Variants in PSMD13 observed in about 807,000 individuals in gnomAD.
PSMD13 encodes the protein 26S proteasome non-ATPase regulatory subunit 13.
In PSMD13, 8 loss-of-function variants were observed where a neutral mutation model predicts 57.4. That is an observed-to-expected ratio of 0.14 (90% CI 0.08 to 0.25). The LOEUF (loss-of-function observed/expected upper bound fraction) is 0.25. PSMD13 is among the 10% of genes least tolerant of loss of function. The pLI is 1.00. For missense variants in PSMD13, 400 were observed against 461.5 expected, an observed-to-expected ratio of 0.87 and a Z score of 1.22; for synonymous variants, 193 against 168.2, an observed-to-expected ratio of 1.15 and a Z score of -1.14.
In PSMD13 at chr11:250,582, A is replaced by G. The variant is rs138140186; in HGVS notation, c.775-221A>G. 3.6e-3 allele frequency among the ~76,000 whole-genome samples: 544 copies of G among 152,334 alleles called. 3 individuals are homozygous for G. Among genetic ancestry groups the G allele is most frequent in the African/African-American group, 0.012 (509 of 41,576 alleles). ...TACCTTGTAAATTCCTTGCCTTGAC[A>G]AAGTGTCCCAGTTAGGTGCGACTCT... On this transcript the variant is annotated intron_variant, in intron 9 of 12. Coordinates refer to ENST00000532097, the MANE Select transcript of PSMD13 (RefSeq NM_002817.4).
chr11:243,051 C>T (rs1859551195), intron 2 of PSMD13: 1 of 353,328 alleles, frequency 2.8e-6, no homozygotes, highest in Non-Finnish European at 5.7e-6. Flanking sequence ...ACCTCTGCCT[C>T]CCAAAGTGCT....
chr11:248,870 A>C lies in PSMD13; in HGVS notation c.648+15A>C, dbSNP rs908027818. The C allele has an allele frequency of 1.2e-6, 2 of 1,614,130 alleles. No individual in the cohort carries two copies. The highest frequency in any genetic ancestry group is 3.3e-5 in the Admixed American group (2 of 60,022). ...TTGGAGAACTCGTAAGTTGACCCTG[A>C]GCTCAGCTTCCTTAACGAGAGAGAC... On this transcript the variant is annotated intron_variant, in intron 8 of 12. Transcript: ENST00000532097.
At chr11:250,675 G>T in intron 9 of PSMD13, 128 bp from the exon 10 acceptor site, 3 of 750,290 alleles carry the variant, frequency 4.0e-6, no homozygotes, top group Non-Finnish European at 6.9e-6. Context: ...TCTGCAATGT[G>T]AAATGTTTGG....
rs111762657 is a variant in PSMD13, at chr11:251,737, G to A, written c.919-83G>A. On this transcript the variant is annotated intron_variant, in intron 11 of 12. Transcript: ENST00000532097. This position sits in a 1 kb window ranked among gnomAD's most constrained non-coding sequence, Gnocchi z 4.6. ...GACAGTAAAAAATGACGGGAGGAGC[G>A]GCATCTGCTTCTCACAAGCCATCTG... is the stretch of plus-strand genomic sequence containing the variant. 1.5e-3 allele frequency: 2,310 copies of A among 1,527,054 alleles called. 25 individuals carry two copies. The African/African-American group carries it at 0.027, about 18-fold the overall frequency. 94.6% of individuals were successfully genotyped at this position (1,527,054 alleles called of 1,614,324 possible). A position where few individuals can be genotyped will look rare whatever the true frequency, so the allele number is the denominator to read the frequency against.
Position 244,680 on chromosome 11 carries a change from A to G in PSMD13, c.315A>G (p.Lys105=). The change falls in exon 6 of 13, where the codon AAA becomes AAG. Residue 105 remains lysine, a synonymous_variant. Coordinates refer to ENST00000532097, the MANE Select transcript of PSMD13 (RefSeq NM_002817.4). ...TTTTGTTTTTGATGTCTTAGGTGAAAAGTAGTGATGAGGCAGTGATCCTGT... is the reference window on the plus strand; with the variant it reads ...TTTTGTTTTTGATGTCTTAGGTGAAGAGTAGTGATGAGGCAGTGATCCTGT... ...TFLEKTREKV[K]SSDEAVILCK... is the part of the protein sequence containing the mutation. 1.9e-6 allele frequency: 3 copies of G among 1,611,764 alleles called. No individual in the cohort carries two copies. Among genetic ancestry groups the G allele is most frequent in the Non-Finnish European group, 2.5e-6 (3 of 1,179,352 alleles).
Position 250,867 on chromosome 11 carries a change from T to A in PSMD13, c.837+2T>A. 1 of 1,613,600 alleles carries A rather than the reference T, an allele frequency of 6.2e-7. No homozygotes were observed. The highest frequency in any genetic ancestry group is 8.5e-7 in the Non-Finnish European group (1 of 1,179,874). On this transcript the variant is annotated splice_donor_variant, in intron 10 of 12. Transcript: ENST00000532097. LOFTEE classifies it high-confidence loss of function. Reference sequence around the variant, plus strand: ...ATTCAGTTGTTGTGCCTCATGGAGGTAAGCGAACACCCAGGAGCCACTTTG... The same window carrying A: ...ATTCAGTTGTTGTGCCTCATGGAGGAAAGCGAACACCCAGGAGCCACTTTG...
intron 9 of PSMD13, 84 bp downstream of exon 9, chr11:249,141 G>T: frequency 6.4e-7 from 1 of 1,567,562 alleles, no homozygotes; most frequent in Non-Finnish European, 8.7e-7. Context: ...GTCTTCCCTA[G>T]GCACACAGGA....
rs559498495 is a variant in PSMD13 at position 251,958 on chromosome 11, A to G, written c.1035+22A>G. 6.3e-7 allele frequency: 1 copy of G among 1,598,258 alleles called. No homozygotes were observed. The highest frequency in any genetic ancestry group is 1.3e-5 in the African/African-American group (1 of 74,654). ...ACAGGTGATGTGTTTGAAACCCATT[A>G]TTCACCTCTGTGGATTTTGAGGGGT... On this transcript the variant is annotated intron_variant, in intron 12 of 12. Coordinates refer to ENST00000532097, the MANE Select transcript of PSMD13 (RefSeq NM_002817.4). The surrounding 1 kb of genome is among the most constrained non-coding windows in gnomAD (Gnocchi z 4.6).
chr11:250,291 A>G (rs1859744942), intron 9 of PSMD13, among the ~76,000 whole-genome samples: 1 of 152,230 alleles, frequency 6.6e-6, no homozygotes, highest in South Asian at 2.1e-4. Flanking sequence ...AGAAGCGTAT[A>G]TTCTAGTTCT....
Position 237,058 on chromosome 11 carries a change from C to A in PSMD13, c.9C>A (p.Asp3Glu), listed in dbSNP as rs532287958. The part of the protein sequence containing the change: MK[D>E]VPGFLQQSQN... ...GGGGTCTTCCTGCTGTCATGAAGGA[C>A]GTACCGGGCTTCCTACAGCAGAGCC... Residue 3 changes from aspartate (D) to glutamate (E), a missense_variant, in exon 1 of 13, where the codon GAC becomes GAA. By Grantham distance (45) the Asp-to-Glu change is conservative (BLOSUM62 2). Coordinates refer to ENST00000532097, the MANE Select transcript of PSMD13 (RefSeq NM_002817.4). 1 of 1,613,534 alleles carries A rather than the reference C, an allele frequency of 6.2e-7. No homozygotes were observed. Among genetic ancestry groups the A allele is most frequent in the African/African-American group, 1.3e-5 (1 of 75,050 alleles).
chr11:238,531 C>T (rs928049637), intron 1 of PSMD13, among the ~76,000 whole-genome samples: 1 of 152,062 alleles, frequency 6.6e-6, no homozygotes, highest in African/African-American at 2.4e-5. Context: ...GGCGGCCGGG[C>T]GCAGTGGCTC....
intron 6 of PSMD13, 55 bp downstream of exon 6, chr11:244,816 G>A: frequency 7.5e-7 from 1 of 1,341,948 alleles, no homozygotes; most frequent in Non-Finnish European, 1.0e-6. Flanking sequence ...TAAAACCCTA[G>A]GAAAAAAAAT....
At position 248,708 on chromosome 11, in the gene PSMD13, G is replaced by C. The variant is rs546258137; in HGVS notation, c.569-68G>C. On this transcript the variant is annotated intron_variant, in intron 7 of 12. Coordinates refer to ENST00000532097, the MANE Select transcript of PSMD13 (RefSeq NM_002817.4). ...TGTTTTTTTACTTTTTGTTATATGA[G>C]ATTTTTAAAGCTAAACAGGACTGAT... 3 of 1,467,594 alleles carry C rather than the reference G, an allele frequency of 2.0e-6. No individual in the cohort carries two copies. In the African/African-American group the frequency reaches 4.2e-5, roughly 21 times the overall value. The allele number at this position is 1,467,594 out of a possible 1,614,324, so 90.9% of individuals were successfully genotyped here.
intron 7 of PSMD13, chr11:248,528 A>G: frequency 2.0e-6 from 1 of 509,372 alleles, no homozygotes; most frequent in East Asian, 3.4e-5. Context: ...ACAGCTGAAA[A>G]TATGAATAGA....
intron 2 of PSMD13, chr11:243,199 T>C: frequency 1.6e-6 from 1 of 621,796 alleles, no homozygotes; most frequent in South Asian, 1.4e-5. Context: ...AGGTATCATT[T>C]ATGCTGCACA....
intron 2 of PSMD13, among the ~76,000 whole-genome samples, chr11:241,196 A>G (rs551372271): frequency 4.6e-4 from 70 of 151,996 alleles, no homozygotes; most frequent in East Asian, 3.5e-3. Flanking sequence ...CTGGAGTGCA[A>G]TGGCAGATCT....
chr11:241,198 G>A (rs1859506547), intron 2 of PSMD13, among the ~76,000 whole-genome samples: 1 of 152,102 alleles, frequency 6.6e-6, no homozygotes, highest in South Asian at 2.1e-4. Flanking sequence ...GGAGTGCAAT[G>A]GCAGATCTCA....
At position 251,134 on chromosome 11, in the gene PSMD13, C is replaced by A; in HGVS notation, c.837+269C>A. The A allele has an allele frequency of 2.0e-6, 1 of 492,108 alleles. No individual in the cohort carries two copies. The highest frequency in any genetic ancestry group is 3.7e-6 in the Non-Finnish European group (1 of 270,698). 30.5% of individuals were successfully genotyped at this position (492,108 alleles called of 1,614,324 possible). A position where few individuals can be genotyped will look rare whatever the true frequency, so the allele number is the denominator to read the frequency against. The stretch of plus-strand genomic sequence containing the variant: ...CATCTGAACTGAGATGAAGTAGCTG[C>A]CCCTCTCCCCGTGATGCAGTTGTTG... On this transcript the variant is annotated intron_variant, in intron 10 of 12. Transcript: ENST00000532097. This position sits in a 1 kb window ranked among gnomAD's most constrained non-coding sequence, Gnocchi z 4.6.
Position 248,816 on chromosome 11 carries a change from A to G in PSMD13, c.609A>G (p.Ala203=), listed in dbSNP as rs762248881. Residue 203 remains alanine, a synonymous_variant, in exon 8 of 13, where the codon GCA becomes GCG. Transcript: ENST00000532097. ...QQERAFTLGL[A]GLLGEGVFNF... ...AGAGAGCCTTCACGCTGGGGCTAGC[A>G]GGACTTCTCGGCGAGGGAGTTTTTA... The G allele has an allele frequency of 3.7e-6, 6 of 1,614,236 alleles. No homozygotes were observed. The highest frequency in any genetic ancestry group is 1.7e-5 in the Admixed American group (1 of 60,010).
Sources: gnomAD v4.1 joint callset for allele counts (sites outside exome capture counted in the v4.1 genomes callset) on GRCh38, gnomAD v4.1.1 for gene constraint, Gnocchi (gnomAD v3.1) non-coding constraint, MANE v1.5 for transcripts, NCBI Gene and HGNC (gene_info 2026-07-23, HGNC 2026-07-21) for gene names.